DNAH11: variants seen among roughly 807,000 people sequenced by gnomAD.
The protein encoded by DNAH11 is axonemal beta dynein heavy chain 11.
Under a neutral mutation model 526.0 loss-of-function variants are expected in DNAH11, and 442 were observed. The observed-to-expected ratio is 0.84, with a 90% CI of 0.78 to 0.91. The LOEUF (loss-of-function observed/expected upper bound fraction) is 0.91. Among genes scored for constraint, DNAH11 ranks in the 40% least tolerant of loss-of-function variants. The pLI is 0.00. For synonymous variants in DNAH11, 2,461 were observed against 1,935.9 expected (o/e 1.27, Z -7.12); for missense variants, 6,989 against 5,448.7 (o/e 1.28, Z -8.90).
At chr7:21,641,438 C>T (rs1787128211) in intron 28 of DNAH11, among the ~76,000 whole-genome samples, 1 of 152,154 alleles carries the variant, frequency 6.6e-6, no homozygotes, top group African/African-American at 2.4e-5. Context: ...TCTTACCAAA[C>T]CCTGGAAGGA....
intron 6 of DNAH11, among the ~76,000 whole-genome samples, 182 bp from the exon 7 acceptor site, chr7:21,569,887 A>G (rs781774886): frequency 1.3e-4 from 20 of 152,226 alleles, no homozygotes; most frequent in Non-Finnish European, 2.5e-4. Flanking sequence ...ATTCTAACTT[A>G]TACAAGTATG....
chr7:21,580,254 T>G (rs1157978823), intron 8 of DNAH11, among the ~76,000 whole-genome samples: 1 of 152,222 alleles, frequency 6.6e-6, no homozygotes, highest in Non-Finnish European at 1.5e-5. Flanking sequence ...AAGCCGTATG[T>G]TCTCTATTAC....
At chr7:21,867,637 T>C (rs1331095800) in intron 71 of DNAH11, among the ~76,000 whole-genome samples, 1 of 152,170 alleles carries the variant, frequency 6.6e-6, no homozygotes, top group African/African-American at 2.4e-5. Context: ...CAAAATGGAA[T>C]GTAGGCTTCT....
chr7:21,884,916 C>T (rs1583810994), intron 76 of DNAH11, among the ~76,000 whole-genome samples: 2 of 152,048 alleles, frequency 1.3e-5, no homozygotes, highest in Admixed American at 6.6e-5. Context: ...GTATCAGTTA[C>T]TCAATTATAA....
chr7:21,816,305 A>C lies in DNAH11; in HGVS notation c.10333-162A>C, dbSNP rs9770600. ...GTAAATACTGGATTTATCAAGTCAA[A>C]TTGCATCTAATGATGAGTTGTGTTT... On this transcript the variant is annotated intron_variant, in intron 63 of 81. Coordinates refer to ENST00000409508, the MANE Select transcript of DNAH11 (RefSeq NM_001277115.2). 0.026 allele frequency among the ~76,000 whole-genome samples: 3,973 copies of C among 152,286 alleles called. 185 individuals carry two copies. The highest frequency in any genetic ancestry group is 0.09 in the African/African-American group (3,725 of 41,538).
chr7:21,870,900 G>A (rs892955395), intron 73 of DNAH11, among the ~76,000 whole-genome samples: 5 of 152,168 alleles, frequency 3.3e-5, no homozygotes, highest in Non-Finnish European at 7.3e-5. Flanking sequence ...GATTATACCA[G>A]GCTTTGGGCC....
At chr7:21,588,266 G>A (rs1042674015) in intron 10 of DNAH11, 65 bp downstream of exon 10, 6 of 1,530,888 alleles carry the variant, frequency 3.9e-6, no homozygotes, top group Non-Finnish European at 5.3e-6. Context: ...CCATCAACTA[G>A]AACTCTATGT....
At chr7:21,612,996 T>C (rs1323121177) in intron 20 of DNAH11, among the ~76,000 whole-genome samples, 1 of 151,968 alleles carries the variant, frequency 6.6e-6, no homozygotes, top group African/African-American at 2.4e-5. Context: ...TTTTACCTAA[T>C]AAAAGAATGA....
At chr7:21,756,437 G>A (rs1055737346) in intron 54 of DNAH11, among the ~76,000 whole-genome samples, 3 of 151,922 alleles carry the variant, frequency 2.0e-5, no homozygotes, top group Admixed American at 6.5e-5. Context: ...GTTTATTATA[G>A]CCCTATAGTA....
intron 65 of DNAH11, among the ~76,000 whole-genome samples, chr7:21,827,165 AC>A (rs1790336343): frequency 1.3e-5 from 2 of 152,248 alleles, no homozygotes; most frequent in African/African-American, 4.8e-5. Flanking sequence ...AGTAGATACC[AC>A]TGTCATAAAA....
At chr7:21,814,430 A>T (rs1276142695) in intron 63 of DNAH11, among the ~76,000 whole-genome samples, 1 of 151,388 alleles carries the variant, frequency 6.6e-6, no homozygotes, top group Admixed American at 6.6e-5. Flanking sequence ...TTAGTTACAT[A>T]CGTATACGTG....
rs1784843676 is a variant in DNAH11 at position 21,720,752 on chromosome 7, C to T, written c.7162C>T (p.Leu2388=). The T allele has an allele frequency of 1.9e-6, 3 of 1,587,208 alleles. No homozygotes were observed. The highest frequency in any genetic ancestry group is 2.6e-6 in the Non-Finnish European group (3 of 1,165,532). Residue 2388 remains leucine (L), a synonymous_variant, in exon 44 of 82, where the codon CTG becomes TTG. Coordinates refer to ENST00000409508, the MANE Select transcript of DNAH11 (RefSeq NM_001277115.2). ...QTLCVLLECL[L]TPENVPSDSP... The stretch of plus-strand genomic sequence containing the variant: ...TCTATGTGTTCTTTTGGAGTGCTTG[C>T]TGACTCCTGAAAATGTACCTTCTGA...
rs1157098764 is a variant in DNAH11 at position 21,901,290 on chromosome 7, G to A, written c.*36G>A. 1.3e-6 allele frequency: 2 copies of A among 1,562,408 alleles called. No individual in the cohort carries two copies. Among genetic ancestry groups the A allele is most frequent in the East Asian group, 2.3e-5 (1 of 44,146 alleles). The stretch of plus-strand genomic sequence containing the variant: ...GCATTCCTCTAGCCTCTGCTGGAGT[G>A]CAGTGAGGATTTTCTAGCATGTTGC... On this transcript the variant is annotated 3_prime_UTR_variant, in exon 82 of 82. Coordinates refer to ENST00000409508, the MANE Select transcript of DNAH11 (RefSeq NM_001277115.2).
chr7:21,666,180 C>T (rs1444364817), intron 30 of DNAH11, among the ~76,000 whole-genome samples: 1 of 151,992 alleles, frequency 6.6e-6, no homozygotes, highest in African/African-American at 2.4e-5. Context: ...TCTATTTCCC[C>T]CTTGGATCTA....
Position 21,635,985 on chromosome 7 carries a change from G to C in DNAH11, c.4615G>C (p.Val1539Leu), listed in dbSNP as rs1786845644. 1 of 1,613,738 alleles carries C rather than the reference G, an allele frequency of 6.2e-7. No individual in the cohort carries two copies. Among genetic ancestry groups the C allele is most frequent in the South Asian group, 1.1e-5 (1 of 90,972 alleles). Residue 1539 changes from valine to leucine, a missense_variant, in exon 26 of 82, where the codon GTC (valine) becomes CTC (leucine). By Grantham distance (32) the Val-to-Leu change is conservative. Coordinates refer to ENST00000409508, the MANE Select transcript of DNAH11 (RefSeq NM_001277115.2). ...CTTGGTCATCTTCACTTGGATGGAA[G>C]TCCAGCGAACTTGGTCTCACCTGGA... Reference protein sequence around the residue: ...ADLVIFTWMEVQRTWSHLESI... With the variant: ...ADLVIFTWMELQRTWSHLESI...
intron 28 of DNAH11, among the ~76,000 whole-genome samples, chr7:21,653,983 C>T (rs1781898039): frequency 6.6e-6 from 1 of 152,204 alleles, no homozygotes; most frequent in Non-Finnish European, 1.5e-5. Context: ...AGTTAAACTG[C>T]ACTTCCAGAA....
Position 21,816,584 on chromosome 7 carries a change from G to A in DNAH11, c.10450G>A (p.Ala3484Thr), listed in dbSNP as rs372745850. The A allele has an allele frequency of 1.7e-5, 27 of 1,613,536 alleles. No individual in the cohort carries two copies. The highest frequency in any genetic ancestry group is 4.5e-5 in the East Asian group (2 of 44,854). The change falls in exon 64 of 82, where the codon GCT becomes ACT. Residue 3484 changes from alanine to threonine, a missense_variant. Physicochemically the swap from Ala to Thr is moderately conservative, Grantham distance 58. Transcript: ENST00000409508. ...TGACAGAATGTCCACCGAAAATGCC[G>A]CTATCCTAACACACTGTGAGCGCTG... ...PSDRMSTENA[A>T]ILTHCERWPL...
At chr7:21,863,047 G>C (rs1783125428) in intron 69 of DNAH11, among the ~76,000 whole-genome samples, 1 of 125,032 alleles carries the variant, frequency 8.0e-6, no homozygotes, top group Admixed American at 9.5e-5. Flanking sequence ...CTGGGCAACA[G>C]AGCGAGACTC....
At chr7:21,824,641 T>C (rs1260869744) in intron 65 of DNAH11, among the ~76,000 whole-genome samples, 1 of 152,174 alleles carries the variant, frequency 6.6e-6, no homozygotes, top group Non-Finnish European at 1.5e-5. Flanking sequence ...AACATGCAAA[T>C]CAAAGACATA....
Sources: gnomAD v4.1 joint callset for allele counts (sites outside exome capture counted in the v4.1 genomes callset) on GRCh38, gnomAD v4.1.1 for gene constraint, MANE v1.5 for transcripts, NCBI Gene and HGNC (gene_info 2026-07-23, HGNC 2026-07-21) for gene names.